Variants in CFAP96 observed in about 807,000 individuals in gnomAD.
The protein encoded by CFAP96 is cilia and flagella associated protein 96.
At chr4:185,435,440 A>G in the CFAP96 span, among the ~76,000 whole-genome samples, 7,644 of 152,316 alleles carry the variant, frequency 0.05, 242 homozygotes, top group South Asian at 0.089. Context: ...GTTGCTGACA[A>G]TAGTTACCCT....
the CFAP96 span, chr4:185,445,603 G>A: frequency 9.4e-7 from 1 of 1,062,200 alleles, no homozygotes; most frequent in South Asian, 1.5e-5. Context: ...AATGCTTTGA[G>A]AAAAAGTATA....
chr4:185,449,597 G>A, the CFAP96 span: 1 of 1,535,790 alleles, frequency 6.5e-7, no homozygotes, highest in Non-Finnish European at 8.8e-7. Context: ...CAATTTTAGG[G>A]CACTAAATTC....
At chr4:185,438,652 G>A in the CFAP96 span, among the ~76,000 whole-genome samples, 1 of 152,232 alleles carries the variant, frequency 6.6e-6, no homozygotes, top group Non-Finnish European at 1.5e-5. Flanking sequence ...ACTTCGTTGA[G>A]TGCTGTATAT....
At chr4:185,444,241 CCG>C in the CFAP96 span, among the ~76,000 whole-genome samples, 5 of 151,996 alleles carry the variant, frequency 3.3e-5, no homozygotes, top group Non-Finnish European at 7.4e-5. Flanking sequence ...GCGTGAGCCA[CCG>C]CGCCCGGCCT....
chr4:185,437,876 T>C, the CFAP96 span, among the ~76,000 whole-genome samples: 1 of 152,284 alleles, frequency 6.6e-6, no homozygotes, highest in Non-Finnish European at 1.5e-5. Context: ...AAATTTATCT[T>C]GCTTTTTCTT....
At chr4:185,435,191 A>G in the CFAP96 span, among the ~76,000 whole-genome samples, 10 of 152,290 alleles carry the variant, frequency 6.6e-5, no homozygotes, top group Admixed American at 2.6e-4. Flanking sequence ...TTAGAATTTC[A>G]TTATATAGGT....
the CFAP96 span, among the ~76,000 whole-genome samples, chr4:185,409,388 C>G: frequency 6.6e-6 from 1 of 152,026 alleles, no homozygotes; most frequent in Non-Finnish European, 1.5e-5. Flanking sequence ...TTGGGTCACA[C>G]TATGTTGCTC....
At chr4:185,445,204 A>G in the CFAP96 span, 1 of 1,267,566 alleles carries the variant, frequency 7.9e-7, no homozygotes, top group Non-Finnish European at 1.1e-6. Flanking sequence ...TCAAAATAGT[A>G]TCTTTTATTT....
chr4:185,431,888 G>A, the CFAP96 span: 23 of 1,021,220 alleles, frequency 2.3e-5, no homozygotes, highest in Admixed American at 7.9e-5. Context: ...TTCATAATTG[G>A]CCCAAATCAT....
chr4:185,433,125 A>G, the CFAP96 span, among the ~76,000 whole-genome samples: 1 of 152,208 alleles, frequency 6.6e-6, no homozygotes, highest in Non-Finnish European at 1.5e-5. Flanking sequence ...AGTTGTGACA[A>G]CTGTCAATGT....
the CFAP96 span, among the ~76,000 whole-genome samples, chr4:185,409,980 T>C: frequency 3.7e-4 from 56 of 152,332 alleles, 1 homozygote; most frequent in South Asian, 7.2e-3. Context: ...AGCCCAGTGA[T>C]ACTACTTTCA....
At chr4:185,422,421 G>T in the CFAP96 span, 2 of 1,213,080 alleles carry the variant, frequency 1.6e-6, no homozygotes, top group Non-Finnish European at 2.4e-6. Context: ...TTGCAAAGTG[G>T]AAATAATCTC....
chr4:185,442,290 A>T, the CFAP96 span, among the ~76,000 whole-genome samples: 1 of 152,064 alleles, frequency 6.6e-6, no homozygotes, highest in African/African-American at 2.4e-5. Flanking sequence ...ATATATTAAC[A>T]TATTTATAAT....
At chr4:185,424,956 C>G in the CFAP96 span, among the ~76,000 whole-genome samples, 3 of 152,166 alleles carry the variant, frequency 2.0e-5, no homozygotes, top group African/African-American at 7.2e-5. Flanking sequence ...AGGCTGAGAT[C>G]TGAAGGGTGA....
At chr4:185,448,093 T>A in the CFAP96 span, among the ~76,000 whole-genome samples, 6 of 151,960 alleles carry the variant, frequency 3.9e-5, no homozygotes, top group African/African-American at 1.5e-4. Context: ...TGATCTCGGC[T>A]CACTGCAACC....
the CFAP96 span, chr4:185,426,036 C>G: frequency 1.4e-6 from 1 of 722,708 alleles, no homozygotes; most frequent in Admixed American, 2.9e-5. Flanking sequence ...ACCGCAGTCC[C>G]TCGCGGACGG....
chr4:185,429,286 C>CT, the CFAP96 span: 54,211 of 537,462 alleles, frequency 0.1, 4,679 homozygotes, highest in African/African-American at 0.34. Context: ...TTAGTAACCA[C>CT]TTTTTTCTAA....
the CFAP96 span, among the ~76,000 whole-genome samples, chr4:185,418,071 C>CACACA: frequency 2.0e-5 from 3 of 151,700 alleles, no homozygotes. Context: ...CACACACAAA[C>CACACA]AACAGAACCA....
chr4:185,410,337 T>G, the CFAP96 span, among the ~76,000 whole-genome samples: 1 of 152,094 alleles, frequency 6.6e-6, no homozygotes, highest in Admixed American at 6.6e-5. Context: ...TGCTTGAAAT[T>G]TAAAAGCTTA....
Sources: gnomAD v4.1 joint callset for allele counts (sites outside exome capture counted in the v4.1 genomes callset) on GRCh38, gnomAD v4.1.1 for gene constraint, MANE v1.5 for transcripts, NCBI Gene and HGNC (gene_info 2026-07-23, HGNC 2026-07-21) for gene names.